The following KIF13B variants were observed in gnomAD, a reference collection of about 807,000 sequenced individuals.
KIF13B encodes kinesin-like protein KIF13B.
Under a neutral mutation model 222.0 loss-of-function variants are expected in KIF13B, and 127 were observed. The observed-to-expected ratio is 0.57, with a 90% confidence interval of 0.50 to 0.66. KIF13B has a LOEUF of 0.66. Among genes scored for constraint, KIF13B ranks in the 30% least tolerant of loss-of-function variants. The pLI is 0.00. For synonymous variants in KIF13B, 976 were observed against 919.0 expected (o/e 1.06, Z -1.12); for missense variants, 2,173 against 2,379.0 (o/e 0.91, Z 1.80).
intron 29 of KIF13B, among the ~76,000 whole-genome samples, chr8:29,121,113 G>C (rs1355276324): frequency 6.6e-6 from 1 of 151,582 alleles, no homozygotes; most frequent in Non-Finnish European, 1.5e-5. Flanking sequence ...GCGAAATCGT[G>C]AAAATGGCCA....
chr8:29,187,692 G>A (rs777890453), intron 5 of KIF13B, among the ~76,000 whole-genome samples: 19 of 152,282 alleles, frequency 1.2e-4, no homozygotes, highest in Non-Finnish European at 2.2e-4. Context: ...TAGTAGCAGT[G>A]TTTTTGCAAA....
At chr8:29,122,686 T>C (rs1466443771) in intron 28 of KIF13B, 40 bp from the exon 29 acceptor site, 3 of 1,540,718 alleles carry the variant, frequency 1.9e-6, no homozygotes, top group Non-Finnish European at 2.7e-6. Flanking sequence ...CTCAGGTTAC[T>C]TTCTCAGTGG....
rs78370506 is a variant in KIF13B, at chr8:29,168,790, G to A, written c.946-1205C>T. ...TGTGAAACAACCCGGCTAGAGCCAC[G>A]TCATTAAGCCACACGCACCCGGAGT... On this transcript the variant is annotated intron_variant, in intron 10 of 39. Coordinates refer to ENST00000524189, the MANE Select transcript of KIF13B (RefSeq NM_015254.4). Among the ~76,000 whole-genome samples the A allele has an allele frequency of 4.5e-3, 680 of 152,238 alleles. 4 individuals carry two copies. The highest frequency in any genetic ancestry group is 0.016 in the African/African-American group (645 of 41,528).
intron 3 of KIF13B, among the ~76,000 whole-genome samples, chr8:29,192,984 C>T (rs1223068751): frequency 1.3e-5 from 2 of 151,672 alleles, no homozygotes; most frequent in African/African-American, 2.4e-5. Flanking sequence ...CTGGGAGGTA[C>T]CAGAAGGGCA....
At chr8:29,228,472 A>AAAAAAAAAAAAAAATATATATATAT in intron 2 of KIF13B, among the ~76,000 whole-genome samples, 68 of 117,018 alleles carry the variant, frequency 5.8e-4, no homozygotes, top group Non-Finnish European at 9.5e-4. Context: ...ATCTTAAAAA[A>AAAAAAAAAAAAAAATATATATATAT]ATATATATAT....
intron 2 of KIF13B, among the ~76,000 whole-genome samples, chr8:29,225,680 G>A (rs558991725): frequency 2.5e-4 from 38 of 152,178 alleles, no homozygotes; most frequent in South Asian, 6.2e-4. Context: ...TGTCTGGCTG[G>A]ATCGATTCCT....
intron 13 of KIF13B, among the ~76,000 whole-genome samples, chr8:29,158,488 C>T (rs926217634): frequency 6.6e-6 from 1 of 152,164 alleles, no homozygotes; most frequent in African/African-American, 2.4e-5. Flanking sequence ...ACTAAGAGAA[C>T]TGTACAGCTG....
intron 12 of KIF13B, among the ~76,000 whole-genome samples, chr8:29,163,080 G>A (rs1811851777): frequency 6.6e-6 from 1 of 152,216 alleles, no homozygotes. Flanking sequence ...TTTCACTTAA[G>A]TGTGTATCTT....
At chr8:29,190,230 C>A (rs1204055029) in intron 4 of KIF13B, 1 of 152,240 alleles carries the variant, frequency 6.6e-6, no homozygotes, top group African/African-American at 2.4e-5. Flanking sequence ...GAATGCTACA[C>A]AGAATGGCCA....
intron 18 of KIF13B, 156 bp downstream of exon 18, chr8:29,146,222 G>A: frequency 1.4e-6 from 1 of 720,592 alleles, no homozygotes; most frequent in Non-Finnish European, 2.5e-6. Flanking sequence ...GGTAGAGAAT[G>A]GAAAAGGAAG....
intron 21 of KIF13B, among the ~76,000 whole-genome samples, chr8:29,139,699 G>A (rs917963796): frequency 3.3e-5 from 5 of 152,062 alleles, no homozygotes; most frequent in African/African-American, 4.8e-5. Context: ...GGCCTTCTTC[G>A]CTTCACCTCA....
chr8:29,212,367 C>G (rs992335833), intron 2 of KIF13B, among the ~76,000 whole-genome samples: 7 of 152,208 alleles, frequency 4.6e-5, no homozygotes, highest in Non-Finnish European at 8.8e-5. Context: ...CCCAGTGCAG[C>G]ATCGTCTGTC....
chr8:29,075,302 GATGTCCGGGCTGGCTGACTGC>G lies in KIF13B; in HGVS notation c.4479_4499del (p.Gln1494_Ile1500del), dbSNP rs1213758019. On this transcript the variant is annotated inframe_deletion, in exon 38 of 40. Coordinates refer to ENST00000524189, the MANE Select transcript of KIF13B (RefSeq NM_015254.4). The stretch of plus-strand genomic sequence containing the variant: ...TCACCTCCTCCATCCTGGTCACCCT[GATGTCCGGGCTGGCTGACTGC>G]ACCATGATGCGGGGCACGGGCTGAG... The G allele has an allele frequency of 6.4e-7, 1 of 1,558,352 alleles. No individual in the cohort carries two copies. The highest frequency in any genetic ancestry group is 1.4e-5 in the African/African-American group (1 of 73,612).
intron 34 of KIF13B, among the ~76,000 whole-genome samples, chr8:29,109,131 C>T (rs777682979): frequency 4.6e-5 from 7 of 152,152 alleles, no homozygotes; most frequent in East Asian, 3.9e-4. Flanking sequence ...GCCATAGGCC[C>T]GTGGCTAGTT....
chr8:29,207,818 C>CA (rs1814022038), intron 2 of KIF13B, among the ~76,000 whole-genome samples: 1 of 152,034 alleles, frequency 6.6e-6, no homozygotes, highest in South Asian at 2.1e-4. Context: ...TTCCAATAAT[C>CA]AGAGTTTTGG....
intron 6 of KIF13B, among the ~76,000 whole-genome samples, chr8:29,183,315 C>A (rs1364294079): frequency 6.6e-6 from 1 of 151,996 alleles, no homozygotes; most frequent in Non-Finnish European, 1.5e-5. Context: ...CCACACCCAG[C>A]TCATTTTTGT....
At chr8:29,162,938 T>C (rs2130128760) in intron 12 of KIF13B, among the ~76,000 whole-genome samples, 1 of 152,354 alleles carries the variant, frequency 6.6e-6, no homozygotes, top group Non-Finnish European at 1.5e-5. Context: ...TCATTCCTGC[T>C]GCCGAAGCCA....
chr8:29,257,063 C>T (rs1017374309), intron 1 of KIF13B, among the ~76,000 whole-genome samples: 7 of 152,166 alleles, frequency 4.6e-5, no homozygotes, highest in Non-Finnish European at 1.0e-4. Flanking sequence ...CCTACAATTC[C>T]TTTTCAAAGT....
intron 14 of KIF13B, among the ~76,000 whole-genome samples, chr8:29,155,017 G>C (rs929829485): frequency 6.6e-6 from 1 of 152,132 alleles, no homozygotes; most frequent in African/African-American, 2.4e-5. Flanking sequence ...TTCCAACTCT[G>C]TAACAGGGGA....
Sources: allele counts gnomAD v4.1 joint callset (sites outside exome capture counted in the v4.1 genomes callset), GRCh38; gene constraint gnomAD v4.1.1; transcripts MANE v1.5; gene names NCBI Gene and HGNC (gene_info 2026-07-23, HGNC 2026-07-21).